Variants in WIPF2 observed in about 807,000 individuals in gnomAD.
WIPF2 encodes WAS/WASL interacting protein family member 2.
In WIPF2, 23 loss-of-function variants were observed where a neutral mutation model predicts 38.8. The ratio of observed to expected loss-of-function variants is 0.59; its 90% CI spans 0.43 to 0.84. The LOEUF (loss-of-function observed/expected upper bound fraction) is 0.84. WIPF2 is among the 40% of genes least tolerant of loss of function. The pLI is 0.00. For missense variants in WIPF2, 574 were observed against 580.5 expected (o/e 0.99, Z 0.11); for synonymous variants, 210 against 223.2 (o/e 0.94, Z 0.53).
chr17:40,269,549 G>C lies in WIPF2; in HGVS notation c.971-4241G>C, dbSNP rs1421938637. On this transcript the variant is annotated intron_variant, in intron 5 of 7. Transcript: ENST00000323571. ...CCAAAACCCAAAAACTAGCATTATT[G>C]GTTCATAGAGTTTGTTTCAAGAATT... Among the ~76,000 whole-genome samples, 23 of 148,570 alleles carry C rather than the reference G, an allele frequency of 1.5e-4. No individual in the cohort carries two copies. In the Admixed American group the frequency reaches 1.6e-3, roughly 10 times the overall value.
At chr17:40,241,849 C>T (rs760566342) in intron 1 of WIPF2, among the ~76,000 whole-genome samples, 1 of 152,112 alleles carries the variant, frequency 6.6e-6, no homozygotes, top group Non-Finnish European at 1.5e-5. Flanking sequence ...AGGGTTGTAT[C>T]TTTTGCTGCC....
chr17:40,257,304 T>C lies in WIPF2; in HGVS notation c.63+782T>C, dbSNP rs1264335437. On this transcript the variant is annotated intron_variant, in intron 2 of 7. Coordinates refer to ENST00000323571, the MANE Select transcript of WIPF2 (RefSeq NM_133264.5). The stretch of plus-strand genomic sequence containing the variant: ...AGGATTCTTAGTGGTTGTTTCTTGC[T>C]ACCACTTCATCATCTCTTCTATTCA... Among the ~76,000 whole-genome samples the C allele has an allele frequency of 4.6e-5, 7 of 152,104 alleles. No homozygotes were observed. The East Asian group carries it at 7.7e-4, about 17-fold the overall frequency.
chr17:40,257,836 G>A (rs747899411), intron 2 of WIPF2, among the ~76,000 whole-genome samples: 1 of 151,992 alleles, frequency 6.6e-6, no homozygotes, highest in Non-Finnish European at 1.5e-5. Context: ...GAGAAGAATA[G>A]GCCATGGGTG....
chr17:40,281,654 C>T lies in WIPF2; in HGVS notation c.*3429C>T, dbSNP rs2032547518. On this transcript the variant is annotated 3_prime_UTR_variant, in exon 8 of 8. Coordinates refer to ENST00000323571, the MANE Select transcript of WIPF2 (RefSeq NM_133264.5). Reference sequence around the variant, plus strand: ...CCCAACTTGAAACCCAGATTTACCTCCAGGGAGAGGTGAGAAAAAAATTGT... The same window carrying T: ...CCCAACTTGAAACCCAGATTTACCTTCAGGGAGAGGTGAGAAAAAAATTGT... 1 of 152,576 alleles carries T rather than the reference C, an allele frequency of 6.6e-6. No individual in the cohort carries two copies. The allele number at this position is 152,576 out of a possible 1,614,324, so 9.5% of individuals were successfully genotyped here.
chr17:40,275,984 T>C (rs1028885880), intron 6 of WIPF2, among the ~76,000 whole-genome samples: 6 of 152,166 alleles, frequency 3.9e-5, no homozygotes, highest in African/African-American at 1.4e-4. Flanking sequence ...GTAGAAACCT[T>C]TGGGATGTGA....
At position 40,283,254 on chromosome 17, in the gene WIPF2, TA is replaced by T. The variant is rs199996885; in HGVS notation, c.*5030del. On this transcript the variant is annotated 3_prime_UTR_variant, in exon 8 of 8. Coordinates refer to ENST00000323571, the MANE Select transcript of WIPF2 (RefSeq NM_133264.5). ...ATGGTCCTTATTTTATTATTATTAT[TA>T]TTTTTTTTTGAGACAGGATGTTGCT... The T allele has an allele frequency of 4.7e-3, 703 of 150,728 alleles. 8 individuals carry two copies. The highest frequency in any genetic ancestry group is 0.016 in the African/African-American group (672 of 40,880). 9.3% of individuals were successfully genotyped at this position (150,728 alleles called of 1,614,324 possible).
intron 1 of WIPF2, among the ~76,000 whole-genome samples, chr17:40,227,467 G>A (rs1316223112): frequency 6.6e-6 from 1 of 152,146 alleles, no homozygotes; most frequent in Non-Finnish European, 1.5e-5. Context: ...GAAAAAGAAA[G>A]TATATAGTGA....
At chr17:40,230,281 A>C (rs2030684369) in intron 1 of WIPF2, among the ~76,000 whole-genome samples, 1 of 152,182 alleles carries the variant, frequency 6.6e-6, no homozygotes, top group Non-Finnish European at 1.5e-5. Context: ...GGGAGGTTGC[A>C]GTGAGCTGTT....
At chr17:40,231,754 A>G (rs964028364) in intron 1 of WIPF2, among the ~76,000 whole-genome samples, 1 of 151,796 alleles carries the variant, frequency 6.6e-6, no homozygotes, top group African/African-American at 2.4e-5. Context: ...GAGCGTGCAG[A>G]TGAAGCCTGG....
At chr17:40,251,432 A>G (rs1381950316) in intron 1 of WIPF2, among the ~76,000 whole-genome samples, 1 of 152,138 alleles carries the variant, frequency 6.6e-6, no homozygotes. Context: ...GATGTAAACA[A>G]AAAGCTTCTT....
chr17:40,231,488 C>T (rs1242497997), intron 1 of WIPF2, among the ~76,000 whole-genome samples: 5 of 149,262 alleles, frequency 3.3e-5, no homozygotes, highest in African/African-American at 7.4e-5. Flanking sequence ...TGCAGTGGCA[C>T]GATCTCAGCT....
chr17:40,250,767 C>T (rs1450142227), intron 1 of WIPF2, among the ~76,000 whole-genome samples: 7 of 151,962 alleles, frequency 4.6e-5, no homozygotes, highest in Non-Finnish European at 2.9e-5. Context: ...GGTTTAACCT[C>T]AAGACCATTA....
chr17:40,264,349 A>AG, intron 4 of WIPF2, 141 bp from the exon 5 acceptor site: 8 of 675,192 alleles, frequency 1.2e-5, no homozygotes, highest in East Asian at 8.6e-5. Context: ...AAAAAAAAAA[A>AG]AAAAGAAAAA....
Position 40,277,196 on chromosome 17 carries a change from A to G in WIPF2, c.1282+12A>G. 1.3e-6 allele frequency: 2 copies of G among 1,582,476 alleles called. No homozygotes were observed. Among genetic ancestry groups the G allele is most frequent in the East Asian group, 2.2e-5 (1 of 44,572 alleles). On this transcript the variant is annotated intron_variant, in intron 7 of 7. Transcript: ENST00000323571. ...CAAAACAAACCGAGGTGAGAATAATAATAAGAAGGTTTTTCCATAATTGCA... is the reference window on the plus strand; with the variant it reads ...CAAAACAAACCGAGGTGAGAATAATGATAAGAAGGTTTTTCCATAATTGCA...
intron 1 of WIPF2, among the ~76,000 whole-genome samples, chr17:40,241,798 C>A (rs982381009): frequency 1.3e-5 from 2 of 152,164 alleles, no homozygotes; most frequent in African/African-American, 4.8e-5. Context: ...GGACACAATT[C>A]TCCCTTTTGT....
chr17:40,238,500 A>G (rs113888324), intron 1 of WIPF2, among the ~76,000 whole-genome samples: 1,804 of 152,000 alleles, frequency 0.012, 23 homozygotes, highest in Non-Finnish European at 0.016. Context: ...ACAGGGTTTT[A>G]CCATGTTGGC....
At chr17:40,231,701 G>A (rs997583326) in intron 1 of WIPF2, among the ~76,000 whole-genome samples, 3 of 152,084 alleles carry the variant, frequency 2.0e-5, no homozygotes, top group African/African-American at 7.2e-5. Context: ...GGGATTACAG[G>A]CGTGAGCCAC....
chr17:40,258,715 AAG>A (rs749648287), intron 2 of WIPF2, among the ~76,000 whole-genome samples: 9 of 151,988 alleles, frequency 5.9e-5, no homozygotes, highest in South Asian at 2.1e-4. Context: ...TTTAGCCAGA[AAG>A]AGAGGAGGGA....
chr17:40,263,768 T>A (rs2145384195), intron 4 of WIPF2, among the ~76,000 whole-genome samples: 1 of 151,572 alleles, frequency 6.6e-6, no homozygotes, highest in South Asian at 2.1e-4. Context: ...GTCTCAAACT[T>A]CTGACCTCAA....
Sources: gnomAD v4.1 joint callset for allele counts (sites outside exome capture counted in the v4.1 genomes callset) on GRCh38, gnomAD v4.1.1 for gene constraint, MANE v1.5 for transcripts, NCBI Gene and HGNC (gene_info 2026-07-23, HGNC 2026-07-21) for gene names.